The following CDKAL1 variants were observed in gnomAD, a reference collection of about 807,000 sequenced individuals.
CDKAL1 encodes the protein CDKAL1 threonylcarbamoyladenosine tRNA methylthiotransferase.
A neutral mutation model predicts 68.2 loss-of-function variants in CDKAL1; 32 were observed. The ratio of observed to expected loss-of-function variants is 0.47; its 90% CI spans 0.35 to 0.63. CDKAL1 has a LOEUF of 0.63. Among genes scored for constraint, CDKAL1 ranks in the 30% least tolerant of loss-of-function variants. CDKAL1 has a pLI of 0.00. For missense variants in CDKAL1, 606 were observed against 696.7 expected (o/e 0.87, Z 1.47); for synonymous variants, 234 against 244.3 (o/e 0.96, Z 0.39).
intron 2 of CDKAL1, among the ~76,000 whole-genome samples, chr6:20,542,459 A>G (rs964989710): frequency 2.6e-5 from 4 of 152,214 alleles, no homozygotes; most frequent in Admixed American, 1.3e-4. Flanking sequence ...TAGTAATACT[A>G]TCTACCTAGT....
Position 20,998,627 on chromosome 6 carries a change from A to G in CDKAL1, c.910-1600A>G, listed in dbSNP as rs1317286140. ...TTCCATCTCAAAAAAAGAAAAAAGA[A>G]AAAAAAAAAAAGAGCCTACTGAATA... On this transcript the variant is annotated intron_variant, in intron 10 of 15. Transcript: ENST00000274695. Among the ~76,000 whole-genome samples the G allele has an allele frequency of 4.1e-5, 6 of 147,114 alleles. No individual in the cohort carries two copies. In the East Asian group the frequency reaches 1.2e-3, roughly 29 times the overall value.
intron 7 of CDKAL1, among the ~76,000 whole-genome samples, chr6:20,779,079 A>G (rs1251006406): frequency 2.0e-5 from 3 of 152,176 alleles, no homozygotes; most frequent in African/African-American, 7.2e-5. Flanking sequence ...GAGTATTCAA[A>G]CCACAGTCAT....
chr6:20,586,970 C>T (rs1017408792), intron 4 of CDKAL1, among the ~76,000 whole-genome samples: 2 of 145,956 alleles, frequency 1.4e-5, no homozygotes, highest in Non-Finnish European at 3.0e-5. Flanking sequence ...AATGTTCTTC[C>T]TCCAGGTGTT....
intron 9 of CDKAL1, among the ~76,000 whole-genome samples, chr6:20,906,525 A>T (rs951577895): frequency 1.2e-4 from 19 of 152,154 alleles, no homozygotes; most frequent in Non-Finnish European, 2.1e-4. Flanking sequence ...TACGCTGAAA[A>T]TGCATTTAAT....
chr6:21,207,220 A>C, intron 15 of CDKAL1, among the ~76,000 whole-genome samples: 1 of 142,290 alleles, frequency 7.0e-6, no homozygotes, highest in East Asian at 2.2e-4. Flanking sequence ...GCCTACTTTA[A>C]ATTTTTTTTT....
chr6:20,582,607 T>A (rs1387381541), intron 4 of CDKAL1, among the ~76,000 whole-genome samples: 1 of 152,148 alleles, frequency 6.6e-6, no homozygotes, highest in Non-Finnish European at 1.5e-5. Context: ...CTATTTTGAA[T>A]CTATTTACGT....
chr6:20,852,765 C>G (rs778553735), intron 9 of CDKAL1, among the ~76,000 whole-genome samples: 12 of 152,152 alleles, frequency 7.9e-5, no homozygotes, highest in Non-Finnish European at 1.5e-4. Flanking sequence ...AAAGGGTACC[C>G]TTTTTACAAA....
chr6:21,141,208 C>G (rs1237473466), intron 13 of CDKAL1, among the ~76,000 whole-genome samples: 2 of 152,218 alleles, frequency 1.3e-5, no homozygotes, highest in Non-Finnish European at 2.9e-5. Flanking sequence ...CTGGATCATG[C>G]CAAGCTCTGT....
At chr6:20,675,655 A>G (rs1460927729) in intron 5 of CDKAL1, among the ~76,000 whole-genome samples, 1 of 152,222 alleles carries the variant, frequency 6.6e-6, no homozygotes, top group African/African-American at 2.4e-5. Flanking sequence ...TGTGCTGCCA[A>G]TTGTGTAAAA....
chr6:20,659,227 T>A (rs966714544), intron 5 of CDKAL1, among the ~76,000 whole-genome samples: 3 of 152,220 alleles, frequency 2.0e-5, no homozygotes, highest in Non-Finnish European at 4.4e-5. Flanking sequence ...ATAAGTTAGA[T>A]GATGCAAGTT....
At chr6:20,607,025 A>G (rs1766361873) in intron 4 of CDKAL1, among the ~76,000 whole-genome samples, 2 of 152,198 alleles carry the variant, frequency 1.3e-5, no homozygotes, top group Non-Finnish European at 2.9e-5. Flanking sequence ...ACTTAAGGTC[A>G]CTGGTAGTAA....
At chr6:21,132,040 A>G (rs1775348839) in intron 13 of CDKAL1, among the ~76,000 whole-genome samples, 1 of 152,194 alleles carries the variant, frequency 6.6e-6, no homozygotes, top group Non-Finnish European at 1.5e-5. Context: ...CTATAAAATT[A>G]CTAAAAATTT....
chr6:21,122,399 A>G (rs1774769354), intron 13 of CDKAL1, among the ~76,000 whole-genome samples: 1 of 152,138 alleles, frequency 6.6e-6, no homozygotes, highest in Non-Finnish European at 1.5e-5. Flanking sequence ...TTTCTCAGCT[A>G]TAAGAGTATG....
In CDKAL1 at chr6:20,630,026, G is replaced by C. The variant is rs144130554; in HGVS notation, c.287-19267G>C. Among the ~76,000 whole-genome samples, 659 of 151,988 alleles carry C rather than the reference G, an allele frequency of 4.3e-3. 5 individuals carry two copies. The highest frequency in any genetic ancestry group is 0.015 in the African/African-American group (626 of 41,494). ...CCACCACCACACCTGGCTAATTTTT[G>C]TATTTTTAGGTAGAGATTTGTATTT... On this transcript the variant is annotated intron_variant, in intron 4 of 15. Coordinates refer to ENST00000274695, the MANE Select transcript of CDKAL1 (RefSeq NM_017774.3).
At chr6:21,047,477 C>G (rs1770306415) in intron 11 of CDKAL1, among the ~76,000 whole-genome samples, 2 of 152,192 alleles carry the variant, frequency 1.3e-5, no homozygotes, top group African/African-American at 4.8e-5. Flanking sequence ...TCATTGATCT[C>G]TGGGTGAATA....
intron 9 of CDKAL1, among the ~76,000 whole-genome samples, chr6:20,913,888 GCTGAGGCAGGAAGGATT>G (rs1762592696): frequency 6.6e-6 from 1 of 152,212 alleles, no homozygotes; most frequent in South Asian, 2.1e-4. Context: ...TACTCAGGAG[GCTGAGGCAGGAAGGATT>G]GCTTGAGCCC....
chr6:20,574,961 A>C (rs997061242), intron 4 of CDKAL1, among the ~76,000 whole-genome samples: 3 of 152,106 alleles, frequency 2.0e-5, no homozygotes, highest in Non-Finnish European at 1.5e-5. Context: ...AATATTTTGG[A>C]ATTTTCATTT....
chr6:20,685,242 C>T (rs1472451405), intron 5 of CDKAL1, among the ~76,000 whole-genome samples: 1 of 152,106 alleles, frequency 6.6e-6, no homozygotes, highest in Non-Finnish European at 1.5e-5. Flanking sequence ...GTTCTACCAC[C>T]GTTTTTTGAA....
chr6:21,013,778 T>C (rs1257259156), intron 11 of CDKAL1, among the ~76,000 whole-genome samples: 1 of 152,236 alleles, frequency 6.6e-6, no homozygotes, highest in Admixed American at 6.5e-5. Context: ...TATCACACTT[T>C]TAGATTCTGT....
Sources: allele counts gnomAD v4.1 joint callset (sites outside exome capture counted in the v4.1 genomes callset), GRCh38; gene constraint gnomAD v4.1.1; transcripts MANE v1.5; gene names NCBI Gene and HGNC (gene_info 2026-07-23, HGNC 2026-07-21).